Variants in DACH1 observed in about 807,000 individuals in gnomAD.
DACH1 encodes dachshund homolog 1.
In DACH1, 12 loss-of-function variants were observed where a neutral mutation model predicts 54.2. That is an observed-to-expected ratio of 0.22 (90% CI 0.14 to 0.36). The LOEUF is 0.36. DACH1 is among the 10% of genes least tolerant of loss of function. The pLI, the probability that DACH1 is intolerant of heterozygous loss-of-function variation, is 1.00. For missense variants in DACH1, 805 were observed against 929.8 expected (o/e 0.87, Z 1.75); for synonymous variants, 386 against 366.2 (o/e 1.05, Z -0.62).
At chr13:71,816,069 A>G (rs1183698567) in intron 1 of DACH1, among the ~76,000 whole-genome samples, 2 of 151,914 alleles carry the variant, frequency 1.3e-5, no homozygotes, top group Non-Finnish European at 2.9e-5. Flanking sequence ...TGGGCGACAG[A>G]GCGAGACTCC....
intron 1 of DACH1, among the ~76,000 whole-genome samples, chr13:71,759,327 A>T (rs1885303786): frequency 6.6e-6 from 1 of 152,072 alleles, no homozygotes; most frequent in Non-Finnish European, 1.5e-5. Context: ...TAAATATTTT[A>T]AATATTGGTT....
At chr13:71,701,429 A>G (rs775030501) in intron 1 of DACH1, among the ~76,000 whole-genome samples, 1 of 152,124 alleles carries the variant, frequency 6.6e-6, no homozygotes, top group Non-Finnish European at 1.5e-5. Context: ...CCTATAATGA[A>G]TGATGCATAT....
At chr13:71,575,953 A>T (rs1334334491) in intron 3 of DACH1, among the ~76,000 whole-genome samples, 5 of 152,102 alleles carry the variant, frequency 3.3e-5, no homozygotes, top group Non-Finnish European at 7.4e-5. Flanking sequence ...AATAAATAAG[A>T]ATTGAAAATA....
intron 1 of DACH1, among the ~76,000 whole-genome samples, chr13:71,807,358 C>A (rs932612721): frequency 1.4e-5 from 2 of 143,152 alleles, no homozygotes; most frequent in African/African-American, 5.2e-5. Flanking sequence ...TTTGCCAGTT[C>A]ATTCGCACTT....
At chr13:71,706,266 T>A (rs1462330739) in intron 1 of DACH1, among the ~76,000 whole-genome samples, 1 of 151,458 alleles carries the variant, frequency 6.6e-6, no homozygotes. Context: ...ATATTATTAA[T>A]CTTTATATTA....
chr13:71,679,990 T>C lies in DACH1; in HGVS notation c.964+1805A>G, dbSNP rs1234718462. ...AAAGAGAAGTTAAGATTTTCATATG[T>C]AGTATAAAAGATTTTCCTATGTAAT... On this transcript the variant is annotated intron_variant, in intron 2 of 10. Transcript: ENST00000613252. Among the ~76,000 whole-genome samples, 3 of 150,700 alleles carry C rather than the reference T, an allele frequency of 2.0e-5. No homozygotes were observed. In the East Asian group the frequency reaches 5.8e-4, roughly 29 times the overall value.
At chr13:71,599,303 A>G (rs1874328101) in intron 3 of DACH1, among the ~76,000 whole-genome samples, 1 of 152,284 alleles carries the variant, frequency 6.6e-6, no homozygotes, top group East Asian at 1.9e-4. Context: ...AGCTAAATCA[A>G]ATGAATTAGG....
intron 6 of DACH1, among the ~76,000 whole-genome samples, chr13:71,496,306 T>TATATATATAC (rs1217159359): frequency 1.4e-3 from 66 of 46,026 alleles, no homozygotes; most frequent in Admixed American, 2.9e-3. Context: ...TATATATATA[T>TATATATATAC]ACACACACAA....
At chr13:71,555,033 G>T (rs902892565) in intron 6 of DACH1, among the ~76,000 whole-genome samples, 1 of 152,240 alleles carries the variant, frequency 6.6e-6, no homozygotes, top group East Asian at 1.9e-4. Context: ...CTCTGGACTT[G>T]TATATTTCTC....
chr13:71,496,306 T>TATATATACAC (rs1217159359), intron 6 of DACH1, among the ~76,000 whole-genome samples: 4 of 46,108 alleles, frequency 8.7e-5, no homozygotes, highest in Non-Finnish European at 1.7e-4. Flanking sequence ...TATATATATA[T>TATATATACAC]ACACACACAA....
At chr13:71,503,754 C>T (rs1262821213) in intron 6 of DACH1, among the ~76,000 whole-genome samples, 1 of 152,150 alleles carries the variant, frequency 6.6e-6, no homozygotes, top group Non-Finnish European at 1.5e-5. Flanking sequence ...AGCTTCTTGT[C>T]AGGAATATTA....
chr13:71,500,380 T>G (rs1447109902), intron 6 of DACH1, among the ~76,000 whole-genome samples: 1 of 152,174 alleles, frequency 6.6e-6, no homozygotes, highest in Non-Finnish European at 1.5e-5. Flanking sequence ...ATAGCTCTAA[T>G]TCATTTATGA....
intron 6 of DACH1, among the ~76,000 whole-genome samples, chr13:71,534,716 A>G (rs1295169056): frequency 6.6e-6 from 1 of 151,796 alleles, no homozygotes; most frequent in African/African-American, 2.4e-5. Flanking sequence ...AATGAATAAG[A>G]GGTAAAATTT....
At chr13:71,456,923 G>T (rs1414959647) in intron 10 of DACH1, among the ~76,000 whole-genome samples, 1 of 151,960 alleles carries the variant, frequency 6.6e-6, no homozygotes, top group African/African-American at 2.4e-5. Context: ...GACACTTGAT[G>T]ACTCTATTAC....
intron 1 of DACH1, among the ~76,000 whole-genome samples, chr13:71,828,743 C>G (rs948724806): frequency 1.3e-5 from 2 of 152,032 alleles, no homozygotes; most frequent in South Asian, 2.1e-4. Flanking sequence ...TTCCTTTTAG[C>G]CTGCTGGTTC....
intron 6 of DACH1, among the ~76,000 whole-genome samples, chr13:71,550,927 G>A (rs946864415): frequency 1.3e-5 from 2 of 152,080 alleles, no homozygotes; most frequent in Non-Finnish European, 2.9e-5. Flanking sequence ...ATAAGTAAAG[G>A]AGAAGTTGCG....
intron 1 of DACH1, among the ~76,000 whole-genome samples, chr13:71,817,536 T>G (rs7335434): frequency 0.64 from 97,810 of 152,072 alleles, 32,297 homozygotes; most frequent in East Asian, 0.88. Flanking sequence ...TCGCAACAGC[T>G]AGTCACATGT....
At chr13:71,504,247 C>T (rs1880142135) in intron 6 of DACH1, among the ~76,000 whole-genome samples, 1 of 151,944 alleles carries the variant, frequency 6.6e-6, no homozygotes, top group African/African-American at 2.4e-5. Context: ...GGTTGTTTTA[C>T]TTTAATACCT....
chr13:71,765,591 G>A (rs73215247), intron 1 of DACH1, among the ~76,000 whole-genome samples: 2,425 of 152,228 alleles, frequency 0.016, 35 homozygotes, highest in Middle Eastern at 0.024. Flanking sequence ...AAGAATAAAT[G>A]AGAGCCATTA....
Sources: allele counts gnomAD v4.1 joint callset (sites outside exome capture counted in the v4.1 genomes callset), GRCh38; gene constraint gnomAD v4.1.1; transcripts MANE v1.5; gene names NCBI Gene and HGNC (gene_info 2026-07-23, HGNC 2026-07-21).